UGT1A3: variants seen among roughly 807,000 people sequenced by gnomAD.
UGT1A3 encodes the protein UDP glucuronosyltransferase family 1 member A3, also known as UDP-glucuronosyltransferase 1A3.
UGT1A3 carries 31 observed loss-of-function variants against 41.0 expected under a neutral mutation model. That is an observed-to-expected ratio of 0.76 (90% CI 0.57 to 1.02). UGT1A3 has a LOEUF of 1.02. Among genes scored for constraint, UGT1A3 ranks in the 50% least tolerant of loss-of-function variants. The pLI is 0.00. For missense variants in UGT1A3, 737 were observed against 671.0 expected (o/e 1.10, Z -1.09); for synonymous variants, 262 against 257.6 (o/e 1.02, Z -0.17).
intron 1 of UGT1A3, among the ~76,000 whole-genome samples, chr2:233,749,604 A>G (rs7556676): frequency 0.45 from 68,782 of 151,558 alleles, 16,251 homozygotes; most frequent in South Asian, 0.58. Flanking sequence ...GTCACACTAG[A>G]TTTATCATGA....
At chr2:233,760,433 A>G (rs771774728) in intron 1 of UGT1A3, 1 of 1,614,234 alleles carries the variant, frequency 6.2e-7, no homozygotes, top group Non-Finnish European at 8.5e-7. Context: ...GCCATCCAGC[A>G]GCTGCAGCAG....
chr2:233,770,205 T>G (rs1217853012), intron 4 of UGT1A3: 1 of 152,310 alleles, frequency 6.6e-6, no homozygotes, highest in Non-Finnish European at 1.5e-5. Flanking sequence ...TATTCATTTT[T>G]GAGCCATCCC....
At chr2:233,754,945 G>C (rs1342760083) in intron 1 of UGT1A3, 3 of 1,327,414 alleles carry the variant, frequency 2.3e-6, no homozygotes, top group Non-Finnish European at 3.0e-6. Flanking sequence ...AAGGAGAATG[G>C]GTCCCGGCCG....
At chr2:233,759,599 A>ACCCCCCCCCC (rs1553620419) in intron 1 of UGT1A3, among the ~76,000 whole-genome samples, 229 of 108,538 alleles carry the variant, frequency 2.1e-3, no homozygotes, top group African/African-American at 3.4e-3. Flanking sequence ...CCCACCCCCG[A>ACCCCCCCCCC]CCCGCCCCAC....
intron 1 of UGT1A3, chr2:233,754,508 T>C (rs1695500116): frequency 2.8e-6 from 1 of 361,410 alleles, no homozygotes; most frequent in East Asian, 7.3e-5. Flanking sequence ...CCGCTATTCC[T>C]CCAGATGTGC....
At chr2:233,736,092 T>A (rs2078731726) in intron 1 of UGT1A3, among the ~76,000 whole-genome samples, 1 of 152,262 alleles carries the variant, frequency 6.6e-6, no homozygotes. Flanking sequence ...CTGGATAATA[T>A]CCTGAAGAGT....
chr2:233,767,800 A>G (rs1049574519), intron 2 of UGT1A3, 49 bp from the exon 3 acceptor site: 1 of 1,614,072 alleles, frequency 6.2e-7, no homozygotes, highest in African/African-American at 1.3e-5. Context: ...TTTGTTTTCT[A>G]ATCATATTAT....
chr2:233,772,178 T>C, intron 4 of UGT1A3, 84 bp from the exon 5 acceptor site: 1 of 1,584,068 alleles, frequency 6.3e-7, no homozygotes, highest in Non-Finnish European at 8.6e-7. Context: ...AATCTGGTAG[T>C]CTTCTTAAGC....
intron 1 of UGT1A3, among the ~76,000 whole-genome samples, chr2:233,757,366 A>G (rs1696506551): frequency 6.6e-6 from 1 of 151,072 alleles, no homozygotes; most frequent in Admixed American, 6.6e-5. Flanking sequence ...AGTGGTAGAA[A>G]CATCCAGATT....
intron 1 of UGT1A3, among the ~76,000 whole-genome samples, 177 bp from the exon 2 acceptor site, chr2:233,766,857 A>C (rs1004098004): frequency 1.3e-5 from 2 of 152,224 alleles, no homozygotes; most frequent in Non-Finnish European, 2.9e-5. Flanking sequence ...CTTTAGAAGG[A>C]AGTAAAGGAG....
intron 4 of UGT1A3, 66 bp downstream of exon 4, chr2:233,768,505 A>G (rs1285600562): frequency 6.4e-7 from 1 of 1,563,990 alleles, no homozygotes; most frequent in Non-Finnish European, 8.7e-7. Flanking sequence ...TTCAAATATG[A>G]AAACATTTAC....
intron 4 of UGT1A3, chr2:233,770,813 A>G (rs910931761): frequency 2.0e-5 from 3 of 152,228 alleles, no homozygotes; most frequent in African/African-American, 7.2e-5. Flanking sequence ...ACAGTGTATT[A>G]GGCTGTTCTT....
chr2:233,762,781 ATCTAC>A (rs1211615114), intron 1 of UGT1A3, among the ~76,000 whole-genome samples: 2 of 150,458 alleles, frequency 1.3e-5, no homozygotes, highest in African/African-American at 4.9e-5. Flanking sequence ...CTAGCTGATT[ATCTAC>A]TCATTACTCA....
rs767607575 is a variant in UGT1A3, at chr2:233,760,238, A to G, written c.868-6796A>G. ...GTGTATCGATTGGTTTTTGCCATATATATATATATAAGTAGGAGAGGGCGA... is the reference window on the plus strand; with the variant it reads ...GTGTATCGATTGGTTTTTGCCATATGTATATATATAAGTAGGAGAGGGCGA... On this transcript the variant is annotated intron_variant, in intron 1 of 4. Transcript: ENST00000482026. The G allele has an allele frequency of 3.7e-6, 6 of 1,606,676 alleles. No homozygotes were observed. Among genetic ancestry groups the G allele is most frequent in the Admixed American group, 3.3e-5 (2 of 59,932 alleles).
intron 1 of UGT1A3, chr2:233,739,030 G>A (rs1034959985): frequency 1.3e-5 from 2 of 152,264 alleles, no homozygotes; most frequent in African/African-American, 4.8e-5. Flanking sequence ...TGGCTAAAAG[G>A]GGCCAAGGTA....
In UGT1A3 at chr2:233,729,770, T is replaced by C; in HGVS notation, c.644T>C (p.Leu215Pro). Residue 215 changes from leucine to proline, a missense_variant, in exon 1 of 5, where the codon CTC (leucine) becomes CCC (proline). Physicochemically the swap from Leu to Pro is moderately conservative, Grantham distance 98 (BLOSUM62 -3). Transcript: ENST00000482026. Reference protein sequence around the residue: ...MTFMQRVKNMLYPLALSYICH... With the variant: ...MTFMQRVKNMPYPLALSYICH... ...TTCATGCAAAGGGTCAAGAACATGCTCTACCCTCTGGCCCTGTCCTACATT... is the reference window on the plus strand; with the variant it reads ...TTCATGCAAAGGGTCAAGAACATGCCCTACCCTCTGGCCCTGTCCTACATT... The C allele has an allele frequency of 6.2e-7, 1 of 1,613,988 alleles. No homozygotes were observed. The highest frequency in any genetic ancestry group is 1.1e-5 in the South Asian group (1 of 91,076).
chr2:233,729,531 G>T lies in UGT1A3; in HGVS notation c.405G>T (p.Glu135Asp), dbSNP rs757870746. The change falls in exon 1 of 5, where the codon GAG (glutamate) becomes GAT (aspartate). Residue 135 changes from glutamate (E) to aspartate (D), a missense_variant. By Grantham distance (45) the Glu-to-Asp change is conservative (BLOSUM62 2). Coordinates refer to ENST00000482026, the MANE Select transcript of UGT1A3 (RefSeq NM_019093.4). ...CTTGTGTGGAGCTACTACATAATGA[G>T]GCCCTGATCAGGCACCTGAATGCTA... Reference protein sequence around the residue: ...HRSCVELLHNEALIRHLNATS... With the variant: ...HRSCVELLHNDALIRHLNATS... The T allele has an allele frequency of 6.2e-7, 1 of 1,614,140 alleles. No homozygotes were observed.
Position 233,747,654 on chromosome 2 carries a change from G to A in UGT1A3, c.867+17661G>A, listed in dbSNP as rs538867928. 1.4e-5 allele frequency: 22 copies of A among 1,591,158 alleles called. No individual in the cohort carries two copies. In the South Asian group the frequency reaches 2.4e-4, roughly 18 times the overall value. On this transcript the variant is annotated intron_variant, in intron 1 of 4. Coordinates refer to ENST00000482026, the MANE Select transcript of UGT1A3 (RefSeq NM_019093.4). ...GCACCTGAATGCTACTTCCTTCGAT[G>A]TGGTTTTAATAGACCCAATTTACCT...
At chr2:233,738,804 C>A (rs532221279) in intron 1 of UGT1A3, 1 of 152,292 alleles carries the variant, frequency 6.6e-6, no homozygotes, top group African/African-American at 2.4e-5. Flanking sequence ...GAAATACTAG[C>A]TAAAGAAATT....
Sources: allele counts gnomAD v4.1 joint callset (sites outside exome capture counted in the v4.1 genomes callset), GRCh38; gene constraint gnomAD v4.1.1; transcripts MANE v1.5; gene names NCBI Gene and HGNC (gene_info 2026-07-23, HGNC 2026-07-21).